Variants in CAMTA1 observed in about 807,000 individuals in gnomAD.
CAMTA1 encodes the protein calmodulin-binding transcription activator 1.
In CAMTA1, 27 loss-of-function variants were observed where a neutral mutation model predicts 170.9. The observed-to-expected ratio is 0.16, with a 90% CI of 0.12 to 0.22. The LOEUF is 0.22. Among genes scored for constraint, CAMTA1 ranks in the 10% least tolerant of loss-of-function variants. The pLI, the probability that CAMTA1 is intolerant of heterozygous loss-of-function variation, is 1.00. For missense variants in CAMTA1, 1,619 were observed against 2,217.2 expected (o/e 0.73, Z 5.42); for synonymous variants, 833 against 891.5 (o/e 0.93, Z 1.17).
chr1:7,414,030 T>G (rs1312951145), intron 5 of CAMTA1, among the ~76,000 whole-genome samples: 2 of 152,074 alleles, frequency 1.3e-5, no homozygotes, highest in African/African-American at 4.8e-5. Context: ...GGTTTTTGTC[T>G]TTGGTTCTGT....
rs1298385396 is a variant in CAMTA1, at chr1:7,735,756, G to A, written c.3067-588G>A. On this transcript the variant is annotated intron_variant, in intron 12 of 22. Transcript: ENST00000303635. Reference sequence around the variant, plus strand: ...TCTCAATTTCATGGATGGTTCTTGGGGGTTTGGGTTTTTTGTTGTTGTTGT... The same window carrying A: ...TCTCAATTTCATGGATGGTTCTTGGAGGTTTGGGTTTTTTGTTGTTGTTGT... Among the ~76,000 whole-genome samples the A allele has an allele frequency of 3.9e-5, 6 of 151,956 alleles. No individual in the cohort carries two copies. The East Asian group carries it at 1.2e-3, about 29-fold the overall frequency.
intron 3 of CAMTA1, among the ~76,000 whole-genome samples, chr1:6,992,988 CT>C (rs932978393): frequency 6.6e-6 from 1 of 152,188 alleles, no homozygotes; most frequent in African/African-American, 2.4e-5. Context: ...AAAAGACTTT[CT>C]TTTCCCCATT....
chr1:7,492,749 ACACACACACAAACCTACATACACAAGTG>A (rs2093734242), intron 6 of CAMTA1, among the ~76,000 whole-genome samples: 2 of 139,196 alleles, frequency 1.4e-5, no homozygotes, highest in African/African-American at 5.6e-5. Flanking sequence ...ACACGCGCGC[ACACACACACAAACCTACATACACAAGTG>A]CACACACAAA....
At chr1:7,741,068 G>T (rs1370695945) in intron 16 of CAMTA1, among the ~76,000 whole-genome samples, 1 of 152,180 alleles carries the variant, frequency 6.6e-6, no homozygotes, top group East Asian at 1.9e-4. Flanking sequence ...AATTTGTTAG[G>T]AAGGGACTCT....
At chr1:7,579,451 C>G (rs1199745991) in intron 6 of CAMTA1, among the ~76,000 whole-genome samples, 1 of 151,886 alleles carries the variant, frequency 6.6e-6, no homozygotes, top group Non-Finnish European at 1.5e-5. Context: ...AGGAAAAGCT[C>G]AGAGAGTTCA....
intron 5 of CAMTA1, among the ~76,000 whole-genome samples, chr1:7,341,725 C>G (rs2083846732): frequency 6.6e-6 from 1 of 152,242 alleles, no homozygotes; most frequent in South Asian, 2.1e-4. Context: ...TATCTTCAGA[C>G]AGTCTGGGCT....
Position 7,333,644 on chromosome 1 carries a change from G to A in CAMTA1, c.438+84018G>A, listed in dbSNP as rs1221479959. Among the ~76,000 whole-genome samples the A allele has an allele frequency of 6.6e-6, 1 of 152,248 alleles. No homozygotes were observed. The highest frequency in any genetic ancestry group is 1.5e-5 in the Non-Finnish European group (1 of 68,044). Reference sequence around the variant, plus strand: ...CTGCTGTCGTCCCAGCTTCTAGGGAGGCTGGGGTTACAGCCTCCGCCATGT... The same window carrying A: ...CTGCTGTCGTCCCAGCTTCTAGGGAAGCTGGGGTTACAGCCTCCGCCATGT... On this transcript the variant is annotated intron_variant, in intron 5 of 22. Coordinates refer to ENST00000303635, the MANE Select transcript of CAMTA1 (RefSeq NM_015215.4). This position sits in a 1 kb window ranked among gnomAD's most constrained non-coding sequence, Gnocchi z 4.4.
intron 3 of CAMTA1, among the ~76,000 whole-genome samples, chr1:6,956,217 T>TATCA (rs757862415): frequency 1.4e-4 from 21 of 152,142 alleles, no homozygotes; most frequent in Non-Finnish European, 2.5e-4. Context: ...CCTGATCTCC[T>TATCA]ATCAGCACCC....
chr1:7,291,033 C>A (rs77855327), intron 5 of CAMTA1, among the ~76,000 whole-genome samples: 4 of 152,264 alleles, frequency 2.6e-5, no homozygotes, highest in African/African-American at 9.6e-5. Flanking sequence ...ATGAAACATG[C>A]TCCCAATCCC....
At chr1:7,210,811 A>T (rs1333394049) in intron 4 of CAMTA1, among the ~76,000 whole-genome samples, 2 of 152,224 alleles carry the variant, frequency 1.3e-5, no homozygotes, top group Admixed American at 1.3e-4. Flanking sequence ...TTAGTGAGTG[A>T]CATTGACTAG....
At chr1:6,804,640 T>A (rs1644298982) in intron 1 of CAMTA1, among the ~76,000 whole-genome samples, 1 of 152,198 alleles carries the variant, frequency 6.6e-6, no homozygotes, top group African/African-American at 2.4e-5. Flanking sequence ...CTTATTTCCC[T>A]TAGCATAATG....
rs182391388 is a variant in CAMTA1 at position 7,329,932 on chromosome 1, C to T, written c.438+80306C>T. ...CAAAAAGATATGCAGTAAGAAGGCTCTCTCTCCCACAGACCCTCCAGGCCC... is the reference window on the plus strand; with the variant it reads ...CAAAAAGATATGCAGTAAGAAGGCTTTCTCTCCCACAGACCCTCCAGGCCC... On this transcript the variant is annotated intron_variant, in intron 5 of 22. Coordinates refer to ENST00000303635, the MANE Select transcript of CAMTA1 (RefSeq NM_015215.4). 2.0e-5 allele frequency among the ~76,000 whole-genome samples: 3 copies of T among 152,108 alleles called. No homozygotes were observed. In the East Asian group the frequency reaches 5.8e-4, roughly 29 times the overall value.
At chr1:6,906,174 A>G (rs371922712) in intron 3 of CAMTA1, among the ~76,000 whole-genome samples, 1 of 56,268 alleles carries the variant, frequency 1.8e-5, no homozygotes, top group African/African-American at 6.2e-5. Context: ...CTTTCGTGTC[A>G]TGTCAAATGG....
chr1:7,316,178 G>T (rs1031694376), intron 5 of CAMTA1, among the ~76,000 whole-genome samples: 1 of 152,144 alleles, frequency 6.6e-6, no homozygotes, highest in African/African-American at 2.4e-5. Flanking sequence ...TTCCTCCCAT[G>T]ACACACAGGG....
intron 4 of CAMTA1, chr1:7,142,074 G>T (rs1229608101): frequency 3.9e-6 from 2 of 518,176 alleles, no homozygotes; most frequent in Non-Finnish European, 7.7e-6. Context: ...AAGCTGCTTG[G>T]ATCCAGCTCT....
chr1:6,894,473 T>G (rs1355351167), intron 3 of CAMTA1, among the ~76,000 whole-genome samples: 1 of 152,232 alleles, frequency 6.6e-6, no homozygotes, highest in Non-Finnish European at 1.5e-5. Context: ...TCAAATGTAT[T>G]TTTCCCTTTT....
intron 4 of CAMTA1, among the ~76,000 whole-genome samples, chr1:7,160,466 G>A (rs1203402814): frequency 6.6e-6 from 1 of 151,752 alleles, no homozygotes; most frequent in Non-Finnish European, 1.5e-5. Context: ...GACACTCTGA[G>A]CCCCGTTTTT....
At chr1:7,395,677 T>A (rs2089242917) in intron 5 of CAMTA1, among the ~76,000 whole-genome samples, 1 of 152,248 alleles carries the variant, frequency 6.6e-6, no homozygotes, top group Admixed American at 6.5e-5. Context: ...GTGAACATTT[T>A]AACAATATCA....
chr1:6,946,010 T>C lies in CAMTA1; in HGVS notation c.234+120800T>C, dbSNP rs57832451. ...GTGGGGACACATGTTTTCAGTTTTC[T>C]TGGGCATATACCTAAGAGTGAAATT... is the stretch of plus-strand genomic sequence containing the variant. On this transcript the variant is annotated intron_variant, in intron 3 of 22. Transcript: ENST00000303635. 6.4e-4 allele frequency among the ~76,000 whole-genome samples: 98 copies of C among 152,286 alleles called. 2 individuals are homozygous for C. In the East Asian group the frequency reaches 0.019, roughly 29 times the overall value.
Sources: allele counts gnomAD v4.1 joint callset (sites outside exome capture counted in the v4.1 genomes callset), GRCh38; gene constraint gnomAD v4.1.1; non-coding constraint Gnocchi (gnomAD v3.1); transcripts MANE v1.5; gene names NCBI Gene and HGNC (gene_info 2026-07-23, HGNC 2026-07-21).